COL19A1: variants seen among roughly 807,000 people sequenced by gnomAD.
The protein encoded by COL19A1 is collagen type XIX alpha 1 chain, also known as collagen alpha-1(XIX) chain.
Under a neutral mutation model 190.2 loss-of-function variants are expected in COL19A1, and 159 were observed. The observed-to-expected ratio is 0.84, with a 90% CI of 0.73 to 0.95. The LOEUF (loss-of-function observed/expected upper bound fraction) is 0.95. Among genes scored for constraint, COL19A1 ranks in the 40% least tolerant of loss-of-function variants. COL19A1 has a pLI of 0.00. For synonymous variants in COL19A1, 509 were observed against 458.9 expected, an observed-to-expected ratio of 1.11 and a Z score of -1.39; for missense variants, 1,418 against 1,431.9, an observed-to-expected ratio of 0.99 and a Z score of 0.16.
intron 15 of COL19A1, among the ~76,000 whole-genome samples, chr6:70,091,935 A>G (rs1022935985): frequency 6.6e-6 from 1 of 152,156 alleles, no homozygotes; most frequent in Non-Finnish European, 1.5e-5. Flanking sequence ...TGTTAAGTTT[A>G]AGGAAGCGAA....
intron 48 of COL19A1, 86 bp from the exon 49 acceptor site, chr6:70,199,522 G>T: frequency 9.5e-7 from 1 of 1,057,178 alleles, no homozygotes; most frequent in Admixed American, 3.4e-5. Context: ...AAATCTTTTT[G>T]TTTGTTTGAT....
At chr6:69,993,603 G>A (rs1354061193) in intron 11 of COL19A1, among the ~76,000 whole-genome samples, 2 of 151,980 alleles carry the variant, frequency 1.3e-5, no homozygotes, top group Non-Finnish European at 1.5e-5. Flanking sequence ...TTACTAGTTG[G>A]TAAGCTTTTC....
intron 4 of COL19A1, among the ~76,000 whole-genome samples, chr6:69,925,389 T>A (rs1357408545): frequency 6.6e-6 from 1 of 152,164 alleles, no homozygotes; most frequent in Non-Finnish European, 1.5e-5. Context: ...AAAGATCAGA[T>A]GTTTGTAGAT....
At chr6:69,901,099 A>G (rs1435697055) in intron 4 of COL19A1, among the ~76,000 whole-genome samples, 1 of 151,922 alleles carries the variant, frequency 6.6e-6, no homozygotes, top group Non-Finnish European at 1.5e-5. Context: ...GGAGTCCAAG[A>G]TGAATATTCG....
chr6:70,077,386 G>A (rs538030336), intron 15 of COL19A1, among the ~76,000 whole-genome samples: 4 of 152,020 alleles, frequency 2.6e-5, no homozygotes, highest in East Asian at 1.9e-4. Context: ...ATTGAGAGTC[G>A]CTCTTGAATT....
chr6:70,096,286 G>T (rs1212023655), intron 15 of COL19A1, among the ~76,000 whole-genome samples: 1 of 151,416 alleles, frequency 6.6e-6, no homozygotes, highest in Non-Finnish European at 1.5e-5. Flanking sequence ...TAGAAACGGG[G>T]TTTTGCCATG....
intron 12 of COL19A1, among the ~76,000 whole-genome samples, chr6:70,030,292 T>C (rs1465999991): frequency 1.3e-5 from 2 of 152,154 alleles, no homozygotes; most frequent in Non-Finnish European, 2.9e-5. Flanking sequence ...GGAATTAATC[T>C]TTAAAACTTT....
intron 44 of COL19A1, among the ~76,000 whole-genome samples, chr6:70,181,936 C>T (rs963333716): frequency 2.6e-5 from 4 of 152,016 alleles, no homozygotes; most frequent in Admixed American, 6.5e-5. Flanking sequence ...TGGAAAGATA[C>T]GGAGGGAGAT....
intron 2 of COL19A1, among the ~76,000 whole-genome samples, chr6:69,892,317 A>G (rs966957572): frequency 6.6e-6 from 1 of 152,198 alleles, no homozygotes. Flanking sequence ...GTTCACAGGA[A>G]CAAGCAGGGT....
chr6:70,121,585 A>C (rs578242377), intron 16 of COL19A1, among the ~76,000 whole-genome samples: 2 of 152,276 alleles, frequency 1.3e-5, no homozygotes, highest in East Asian at 3.9e-4. Context: ...GGAGGGTCTT[A>C]TGGGTATAAT....
chr6:69,934,628 T>C (rs1280665337), intron 7 of COL19A1, among the ~76,000 whole-genome samples: 1 of 151,930 alleles, frequency 6.6e-6, no homozygotes. Flanking sequence ...GAACAAAAGA[T>C]TTTTAAATCA....
intron 27 of COL19A1, among the ~76,000 whole-genome samples, chr6:70,149,436 A>G (rs1786887144): frequency 1.3e-5 from 2 of 152,124 alleles, no homozygotes; most frequent in African/African-American, 4.8e-5. Context: ...TTGTGCCCTC[A>G]TGAATGTGCA....
At chr6:70,132,812 T>C (rs1455461123) in intron 18 of COL19A1, among the ~76,000 whole-genome samples, 1 of 152,192 alleles carries the variant, frequency 6.6e-6, no homozygotes, top group Non-Finnish European at 1.5e-5. Context: ...GGACAAAAAG[T>C]TGATTGTGGC....
intron 14 of COL19A1, 142 bp downstream of exon 14, chr6:70,036,081 A>C (rs760161087): frequency 1.9e-4 from 138 of 730,992 alleles, no homozygotes; most frequent in Middle Eastern, 3.4e-4. Context: ...AAACCTCCAC[A>C]TTTTAAAGAT....
chr6:70,140,598 G>T (rs922932866), intron 19 of COL19A1, among the ~76,000 whole-genome samples: 3 of 151,974 alleles, frequency 2.0e-5, no homozygotes, highest in Admixed American at 2.0e-4. Flanking sequence ...TCAATTTCTT[G>T]CTGTCATTCC....
At chr6:70,169,227 A>G (rs1765356002) in intron 40 of COL19A1, among the ~76,000 whole-genome samples, 1 of 152,232 alleles carries the variant, frequency 6.6e-6, no homozygotes, top group Admixed American at 6.5e-5. Context: ...CTAAAGGACG[A>G]TAATTGTTCT....
At chr6:70,016,407 ACAAAAC>A (rs1778108150) in intron 11 of COL19A1, among the ~76,000 whole-genome samples, 1 of 133,054 alleles carries the variant, frequency 7.5e-6, no homozygotes, top group African/African-American at 3.3e-5. Flanking sequence ...AAAAAACAAA[ACAAAAC>A]AAAGCAAACA....
At chr6:69,998,003 G>A (rs1390973596) in intron 11 of COL19A1, among the ~76,000 whole-genome samples, 4 of 152,146 alleles carry the variant, frequency 2.6e-5, no homozygotes, top group African/African-American at 9.6e-5. Context: ...CATCATGTAC[G>A]TGAAAACACA....
intron 48 of COL19A1, among the ~76,000 whole-genome samples, chr6:70,193,327 G>A (rs1234284713): frequency 6.6e-6 from 1 of 152,168 alleles, no homozygotes; most frequent in African/African-American, 2.4e-5. Flanking sequence ...GGGGAGTTGG[G>A]CCACTCTCCA....
Sources: gnomAD v4.1 joint callset for allele counts (sites outside exome capture counted in the v4.1 genomes callset) on GRCh38, gnomAD v4.1.1 for gene constraint, MANE v1.5 for transcripts, NCBI Gene and HGNC (gene_info 2026-07-23, HGNC 2026-07-21) for gene names.